The following ATP8B1 variants were observed in gnomAD, a reference collection of about 807,000 sequenced individuals.
The protein encoded by ATP8B1 is phospholipid-transporting ATPase IC.
Under a neutral mutation model 149.9 loss-of-function variants are expected in ATP8B1, and 80 were observed. The ratio of observed to expected loss-of-function variants is 0.53; its 90% CI spans 0.45 to 0.64. The LOEUF (loss-of-function observed/expected upper bound fraction) is 0.64, where lower values mean the gene tolerates loss of function less well. Among genes scored for constraint, ATP8B1 ranks in the 30% least tolerant of loss-of-function variants. The pLI is 0.00. For missense variants in ATP8B1, 1,247 were observed against 1,552.6 expected (o/e 0.80, Z 3.31); for synonymous variants, 536 against 562.8 (o/e 0.95, Z 0.67).
chr18:57,778,162 C>A (rs563162110), intron 1 of ATP8B1, among the ~76,000 whole-genome samples: 2 of 151,874 alleles, frequency 1.3e-5, no homozygotes, highest in East Asian at 3.9e-4. Flanking sequence ...TGCTGCCTAA[C>A]AAAATACCCC....
chr18:57,759,430 ATT>A (rs2080124376), intron 1 of ATP8B1, among the ~76,000 whole-genome samples: 1 of 152,142 alleles, frequency 6.6e-6, no homozygotes, highest in African/African-American at 2.4e-5. Flanking sequence ...CCAAGTAAAT[ATT>A]CATTGAGAAT....
chr18:57,706,741 A>C (rs1393495038), intron 2 of ATP8B1, among the ~76,000 whole-genome samples, 154 bp from the exon 3 acceptor site: 1 of 152,230 alleles, frequency 6.6e-6, no homozygotes, highest in African/African-American at 2.4e-5. Context: ...GATGTAATCA[A>C]ATTAAAGTGA....
Position 57,706,561 on chromosome 18 carries a change from C to T in ATP8B1, c.208G>A (p.Asp70Asn), listed in dbSNP as rs34719006. 3.5e-3 allele frequency: 5,696 copies of T among 1,613,854 alleles called. 16 individuals are homozygous for T. Among genetic ancestry groups the T allele is most frequent in the Middle Eastern group, 0.023 (137 of 6,060 alleles). ...TGAGGTTGTTCGTGGTACTTGCGAT[C>T]GTTTGCTTTGACTTGCCATGTACAT... ...KECTWQVKAN[D>N]RKYHEQPHFM... Residue 70 changes from aspartate (D) to asparagine (N), a missense_variant, in exon 3 of 28, where the codon GAT becomes AAT. Asp to Asn is a conservative substitution (Grantham distance 23). Transcript: ENST00000648908.
At chr18:57,703,778 T>A (rs902585744) in intron 4 of ATP8B1, among the ~76,000 whole-genome samples, 8 of 151,954 alleles carry the variant, frequency 5.3e-5, no homozygotes, top group Non-Finnish European at 1.2e-4. Flanking sequence ...GGAAAAAAAA[T>A]TTTTAAGTAG....
rs1909243226 is a variant in ATP8B1, at chr18:57,647,403, A to G, written c.*1085T>C. On this transcript the variant is annotated 3_prime_UTR_variant, in exon 28 of 28. Coordinates refer to ENST00000648908, the MANE Select transcript of ATP8B1 (RefSeq NM_001374385.1). ...TTGATTAAATAGAATTAATAAACCA[A>G]TATGAGGAAACATGAAACCATGCAA... 6.6e-6 allele frequency: 1 copy of G among 152,236 alleles called. No homozygotes were observed. The highest frequency in any genetic ancestry group is 2.1e-4 in the South Asian group (1 of 4,836). The allele number at this position is 152,236 out of a possible 1,614,324, so 9.4% of individuals were successfully genotyped here.
At chr18:57,669,233 T>G in intron 18 of ATP8B1, 85 bp downstream of exon 18, 15 of 1,342,864 alleles carry the variant, frequency 1.1e-5, no homozygotes, top group Non-Finnish European at 1.4e-5. Flanking sequence ...CTCTTAAGCA[T>G]GAGATCAAAT....
chr18:57,763,604 A>G (rs2080177475), intron 1 of ATP8B1, among the ~76,000 whole-genome samples: 1 of 152,002 alleles, frequency 6.6e-6, no homozygotes, highest in Admixed American at 6.6e-5. Context: ...TTATCACACA[A>G]TAAGTACTCA....
At chr18:57,738,699 T>C (rs1056332231) in intron 1 of ATP8B1, among the ~76,000 whole-genome samples, 13 of 151,616 alleles carry the variant, frequency 8.6e-5, no homozygotes, top group Admixed American at 7.9e-4. Flanking sequence ...CCTCAAATAC[T>C]CCTCCAATTC....
chr18:57,719,730 G>C (rs572360002), intron 2 of ATP8B1, among the ~76,000 whole-genome samples: 1,896 of 152,324 alleles, frequency 0.012, 37 homozygotes, highest in African/African-American at 0.043. Flanking sequence ...CAAAGCAGCC[G>C]GGAAGCTCGA....
chr18:57,745,810 C>G (rs1452588642), intron 1 of ATP8B1, among the ~76,000 whole-genome samples: 2 of 151,996 alleles, frequency 1.3e-5, no homozygotes, highest in Non-Finnish European at 2.9e-5. Flanking sequence ...GCAAATGACA[C>G]CACAACTGGC....
chr18:57,665,560 T>C (rs952829285), intron 20 of ATP8B1, among the ~76,000 whole-genome samples: 3 of 147,268 alleles, frequency 2.0e-5, no homozygotes, highest in African/African-American at 7.4e-5. Context: ...CTGTTGCTAC[T>C]TTTTTTTTTT....
chr18:57,721,366 G>A (rs112452707), intron 2 of ATP8B1, among the ~76,000 whole-genome samples: 2 of 146,476 alleles, frequency 1.4e-5, no homozygotes, highest in Non-Finnish European at 3.0e-5. Flanking sequence ...CACGTGCAGA[G>A]ACACACACAG....
chr18:57,735,507 G>C (rs904116683), intron 1 of ATP8B1: 1 of 150,802 alleles, frequency 6.6e-6, no homozygotes, highest in Non-Finnish European at 1.5e-5. Context: ...GAGAACACGA[G>C]GCTTGCCACC....
chr18:57,654,695 C>CTT (rs35541979), intron 23 of ATP8B1, among the ~76,000 whole-genome samples: 2 of 131,440 alleles, frequency 1.5e-5, no homozygotes, highest in African/African-American at 2.9e-5. Flanking sequence ...AAATCCCCTC[C>CTT]TTTTTTTTTT....
chr18:57,692,609 T>C (rs1382305799), intron 11 of ATP8B1, among the ~76,000 whole-genome samples: 1 of 151,920 alleles, frequency 6.6e-6, no homozygotes, highest in African/African-American at 2.4e-5. Context: ...CTAATTTTTG[T>C]CTTTTTAGTA....
At chr18:57,716,857 A>G (rs1337391044) in intron 2 of ATP8B1, among the ~76,000 whole-genome samples, 3 of 152,224 alleles carry the variant, frequency 2.0e-5, no homozygotes, top group African/African-American at 7.2e-5. Flanking sequence ...TTCATACAAC[A>G]GCTGTAGAAT....
intron 1 of ATP8B1, among the ~76,000 whole-genome samples, chr18:57,734,981 A>G (rs1330871142): frequency 6.6e-6 from 1 of 152,236 alleles, no homozygotes; most frequent in Non-Finnish European, 1.5e-5. Context: ...AACAGGAGGT[A>G]AAGAAATAGC....
chr18:57,756,865 C>T lies in ATP8B1; in HGVS notation c.-25-25033G>A, dbSNP rs116281789. Among the ~76,000 whole-genome samples, 1,161 of 152,262 alleles carry T rather than the reference C, an allele frequency of 7.6e-3. 12 individuals carry two copies. The highest frequency in any genetic ancestry group is 0.026 in the African/African-American group (1,084 of 41,564). On this transcript the variant is annotated intron_variant, in intron 1 of 27. Transcript: ENST00000648908. ...TTTTATACTTTGGTCATGTGGTCAA[C>T]GTGTTGTTTGATTTCTCCACTGTAT...
intron 1 of ATP8B1, among the ~76,000 whole-genome samples, chr18:57,777,328 G>A (rs2080314259): frequency 6.6e-6 from 1 of 152,162 alleles, no homozygotes; most frequent in African/African-American, 2.4e-5. Context: ...GGAATCCAAT[G>A]CAGAAACTAT....
Sources: allele counts gnomAD v4.1 joint callset (sites outside exome capture counted in the v4.1 genomes callset), GRCh38; gene constraint gnomAD v4.1.1; transcripts MANE v1.5; gene names NCBI Gene and HGNC (gene_info 2026-07-23, HGNC 2026-07-21).